CADM2: variants seen among roughly 807,000 people sequenced by gnomAD.
The protein encoded by CADM2 is immunoglobulin superfamily member 4D.
In CADM2, 12 loss-of-function variants were observed where a neutral mutation model predicts 49.8. The observed-to-expected ratio is 0.24, with a 90% CI of 0.15 to 0.39. The LOEUF (loss-of-function observed/expected upper bound fraction) is 0.39, where lower values mean the gene tolerates loss of function less well. Among genes scored for constraint, CADM2 ranks in the 10% least tolerant of loss-of-function variants. The probability of loss-of-function intolerance (pLI) is 1.00; values close to 1 mark genes in which losing one functional copy is unlikely to be tolerated. For missense variants in CADM2, 378 were observed against 492.3 expected, an observed-to-expected ratio of 0.77 and a Z score of 2.20; for synonymous variants, 214 against 175.4, an observed-to-expected ratio of 1.22 and a Z score of -1.74.
rs977640837 is a variant in CADM2, at chr3:85,469,059, G to A, written c.62-257463G>A. 2.0e-5 allele frequency among the ~76,000 whole-genome samples: 3 copies of A among 152,322 alleles called. No homozygotes were observed. In the East Asian group the frequency reaches 5.8e-4, roughly 29 times the overall value. ...TTCAGGCCACCACAAGTCAGAGAAA[G>A]CTTTTTAGGCTTAAAGTTGCAAGAG... On this transcript the variant is annotated intron_variant, in intron 1 of 9. Transcript: ENST00000383699.
At chr3:85,380,740 A>G (rs2033856009) in intron 1 of CADM2, among the ~76,000 whole-genome samples, 1 of 151,920 alleles carries the variant, frequency 6.6e-6, no homozygotes. Flanking sequence ...TCAATTCTAA[A>G]TATCCTCCAT....
chr3:85,031,576 G>A (rs930131065), intron 1 of CADM2, among the ~76,000 whole-genome samples: 6 of 152,050 alleles, frequency 3.9e-5, no homozygotes, highest in African/African-American at 7.2e-5. Context: ...GTGCAGTGGC[G>A]CGATCTCGGC....
chr3:85,795,553 A>T (rs1401478821), intron 2 of CADM2, among the ~76,000 whole-genome samples: 1 of 152,186 alleles, frequency 6.6e-6, no homozygotes, highest in Admixed American at 6.5e-5. Flanking sequence ...AAGCTATTCT[A>T]ATCTCCAACC....
intron 1 of CADM2, among the ~76,000 whole-genome samples, chr3:85,426,435 A>T (rs953734691): frequency 3.3e-5 from 5 of 152,100 alleles, no homozygotes; most frequent in Non-Finnish European, 5.9e-5. Flanking sequence ...CCCAGGCTTT[A>T]TACTATTTTT....
chr3:85,265,507 G>C (rs1333012900), intron 1 of CADM2, among the ~76,000 whole-genome samples: 1 of 151,894 alleles, frequency 6.6e-6, no homozygotes, highest in Non-Finnish European at 1.5e-5. Context: ...GCAAGAAGAG[G>C]TTGAACTCAT....
At chr3:85,953,626 T>C (rs1241517716) in intron 7 of CADM2, among the ~76,000 whole-genome samples, 1 of 150,998 alleles carries the variant, frequency 6.6e-6, no homozygotes, top group Non-Finnish European at 1.5e-5. Context: ...CCACTTACTG[T>C]ATGCTACCAA....
chr3:85,243,016 ATTACT>A (rs2042565496), intron 1 of CADM2, among the ~76,000 whole-genome samples: 2 of 151,820 alleles, frequency 1.3e-5, no homozygotes, highest in African/African-American at 4.8e-5. Flanking sequence ...TAAAATTAAA[ATTACT>A]TTAGTTCTGA....
At chr3:85,134,006 G>A (rs2107615195) in intron 1 of CADM2, among the ~76,000 whole-genome samples, 1 of 152,340 alleles carries the variant, frequency 6.6e-6, no homozygotes, top group East Asian at 1.9e-4. Context: ...GCCCTGCCCC[G>A]CGGGAAGGCA....
chr3:85,010,640 G>T (rs551610890), intron 1 of CADM2, among the ~76,000 whole-genome samples: 6 of 151,506 alleles, frequency 4.0e-5, no homozygotes, highest in Non-Finnish European at 5.9e-5. Context: ...ACATCTTAAA[G>T]ACTTCTTGCC....
chr3:85,947,466 A>G (rs1052664729), intron 7 of CADM2, among the ~76,000 whole-genome samples: 1 of 151,518 alleles, frequency 6.6e-6, no homozygotes, highest in South Asian at 2.1e-4. Context: ...TTAACTAATT[A>G]AAAATTAAAA....
intron 1 of CADM2, among the ~76,000 whole-genome samples, chr3:85,561,044 G>A (rs1365901449): frequency 1.3e-5 from 2 of 152,240 alleles, no homozygotes; most frequent in Admixed American, 6.5e-5. Flanking sequence ...GTCTAGGATA[G>A]TAGCTGCCAC....
chr3:85,697,129 C>A (rs946691925), intron 1 of CADM2, among the ~76,000 whole-genome samples: 9 of 148,992 alleles, frequency 6.0e-5, no homozygotes, highest in African/African-American at 2.0e-4. Context: ...ATATATATGG[C>A]AGCTTCAGTT....
chr3:85,715,703 T>C (rs967728750), intron 1 of CADM2, among the ~76,000 whole-genome samples: 1 of 152,170 alleles, frequency 6.6e-6, no homozygotes, highest in Non-Finnish European at 1.5e-5. Flanking sequence ...CGCCTCTCTG[T>C]GCCCATATGT....
chr3:85,545,215 C>A (rs1576768503), intron 1 of CADM2, among the ~76,000 whole-genome samples: 2 of 152,046 alleles, frequency 1.3e-5, no homozygotes, highest in Admixed American at 1.3e-4. Flanking sequence ...AAACCTATGA[C>A]TACAGGAAAC....
intron 1 of CADM2, among the ~76,000 whole-genome samples, chr3:85,220,428 A>T (rs72913078): frequency 0.078 from 11,891 of 152,150 alleles, 1,543 homozygotes; most frequent in African/African-American, 0.27. Flanking sequence ...ATGCCAACAC[A>T]TTTAAACAGA....
intron 1 of CADM2, among the ~76,000 whole-genome samples, chr3:85,677,023 A>G (rs1367919146): frequency 6.6e-6 from 1 of 152,184 alleles, no homozygotes; most frequent in South Asian, 2.1e-4. Context: ...CATTGTGGGA[A>G]CTCTCATTGC....
chr3:85,074,801 A>G (rs2036880081), intron 1 of CADM2, among the ~76,000 whole-genome samples: 1 of 152,074 alleles, frequency 6.6e-6, no homozygotes, highest in East Asian at 1.9e-4. Context: ...TCTCACGTAT[A>G]TCAGTAATAA....
intron 1 of CADM2, among the ~76,000 whole-genome samples, chr3:85,523,616 C>G (rs1322022535): frequency 6.6e-6 from 1 of 151,814 alleles, no homozygotes; most frequent in African/African-American, 2.4e-5. Context: ...TTACAACAAT[C>G]CTCAGTAAAA....
rs570387841 is a variant in CADM2, at chr3:85,061,433, T to C, written c.61+101765T>C. 1.2e-4 allele frequency among the ~76,000 whole-genome samples: 19 copies of C among 152,280 alleles called. No homozygotes were observed. The Middle Eastern group carries it at 0.01, about 82-fold the overall frequency. ...TCCTTTCAATGTTTGCTTATTTGAA[T>C]AAGAAAGGATATAGTTTTACGTAAC... On this transcript the variant is annotated intron_variant, in intron 1 of 9. Transcript: ENST00000383699.
Sources: gnomAD v4.1 joint callset for allele counts (sites outside exome capture counted in the v4.1 genomes callset) on GRCh38, gnomAD v4.1.1 for gene constraint, MANE v1.5 for transcripts, NCBI Gene and HGNC (gene_info 2026-07-23, HGNC 2026-07-21) for gene names.